KCNN2: variants seen among roughly 807,000 people sequenced by gnomAD.
KCNN2 encodes potassium calcium-activated channel subfamily N member 2.
KCNN2 carries 24 observed loss-of-function variants against 55.5 expected under a neutral mutation model. The ratio of observed to expected loss-of-function variants is 0.43; its 90% confidence interval spans 0.31 to 0.61. The LOEUF (loss-of-function observed/expected upper bound fraction) is 0.61, where lower values mean the gene tolerates loss of function less well. KCNN2 is among the 20% of genes least tolerant of loss of function. The pLI is 0.08. For missense variants in KCNN2, 754 were observed against 853.6 expected, an observed-to-expected ratio of 0.88 and a Z score of 1.45; for synonymous variants, 431 against 336.1, an observed-to-expected ratio of 1.28 and a Z score of -3.09.
At chr5:114,113,083 C>G (rs1186918668) in intron 1 of KCNN2, among the ~76,000 whole-genome samples, 1 of 152,016 alleles carries the variant, frequency 6.6e-6, no homozygotes, top group East Asian at 1.9e-4. Flanking sequence ...GGCCAGGCTC[C>G]TTAAAGGGTT....
chr5:114,341,695 T>C (rs190875276), intron 2 of KCNN2, among the ~76,000 whole-genome samples: 72 of 152,274 alleles, frequency 4.7e-4, no homozygotes, highest in Middle Eastern at 3.4e-3. Flanking sequence ...AAGACATTTC[T>C]ATAAAAATAT....
intron 1 of KCNN2, among the ~76,000 whole-genome samples, chr5:114,158,468 A>T (rs535661833): frequency 6.6e-5 from 10 of 151,978 alleles, no homozygotes; most frequent in Non-Finnish European, 1.0e-4. Flanking sequence ...TTGGCTTAGG[A>T]TTGACTTGGC....
At chr5:114,132,919 T>G (rs1030339868) in intron 1 of KCNN2, among the ~76,000 whole-genome samples, 3 of 152,206 alleles carry the variant, frequency 2.0e-5, no homozygotes, top group Non-Finnish European at 4.4e-5. Context: ...TTGTAAAAGA[T>G]GCCTCCAGAC....
At chr5:114,241,002 T>C (rs1320664871) in intron 2 of KCNN2, among the ~76,000 whole-genome samples, 4 of 152,156 alleles carry the variant, frequency 2.6e-5, no homozygotes, top group Admixed American at 2.6e-4. Context: ...GCTTTTGTGC[T>C]AACTAGCAAT....
At chr5:114,440,326 A>G (rs981059440) in intron 3 of KCNN2, among the ~76,000 whole-genome samples, 10 of 152,194 alleles carry the variant, frequency 6.6e-5, no homozygotes, top group African/African-American at 2.4e-4. Context: ...ATGCCTTCCT[A>G]AATTTAATTT....
chr5:114,123,750 T>C (rs935074399), intron 1 of KCNN2, among the ~76,000 whole-genome samples: 9 of 152,214 alleles, frequency 5.9e-5, no homozygotes, highest in Non-Finnish European at 1.2e-4. Context: ...TTTTTGACTT[T>C]GATATTCTAG....
chr5:114,433,423 G>A (rs1183738305), intron 3 of KCNN2: 1 of 152,214 alleles, frequency 6.6e-6, no homozygotes, highest in African/African-American at 2.4e-5. Flanking sequence ...TCAGTGCCCT[G>A]TCAAAACAGA....
chr5:114,063,241 A>T (rs910667071), intron 1 of KCNN2, among the ~76,000 whole-genome samples: 5 of 152,232 alleles, frequency 3.3e-5, no homozygotes, highest in Non-Finnish European at 5.9e-5. Context: ...GATGATGATT[A>T]TCATGTATGT....
At chr5:114,315,139 A>C (rs1026723831) in intron 2 of KCNN2, among the ~76,000 whole-genome samples, 1 of 152,136 alleles carries the variant, frequency 6.6e-6, no homozygotes. Context: ...TCCTTGTCCC[A>C]GGAAGACTTG....
chr5:114,086,680 C>A (rs1271976943), intron 1 of KCNN2, among the ~76,000 whole-genome samples: 1 of 151,978 alleles, frequency 6.6e-6, no homozygotes, highest in Admixed American at 6.6e-5. Context: ...TCTTATCCAC[C>A]ACTGATGGGC....
At chr5:114,468,448 A>T (rs922275473) in intron 4 of KCNN2, among the ~76,000 whole-genome samples, 1 of 151,742 alleles carries the variant, frequency 6.6e-6, no homozygotes, top group Non-Finnish European at 1.5e-5. Context: ...GGGCAAGCTG[A>T]TTTGTGAAAG....
chr5:114,337,988 G>A (rs1016287219), intron 2 of KCNN2, among the ~76,000 whole-genome samples: 1 of 152,112 alleles, frequency 6.6e-6, no homozygotes, highest in African/African-American at 2.4e-5. Context: ...TGCTAGAGAG[G>A]CTGGTTATAT....
chr5:114,142,580 C>G (rs1383128988), intron 1 of KCNN2, among the ~76,000 whole-genome samples: 4 of 152,152 alleles, frequency 2.6e-5, no homozygotes, highest in Non-Finnish European at 5.9e-5. Context: ...CAATAACAGA[C>G]AAACAGAGAG....
At chr5:114,295,580 A>G (rs1409667179) in intron 2 of KCNN2, among the ~76,000 whole-genome samples, 1 of 152,184 alleles carries the variant, frequency 6.6e-6, no homozygotes, top group African/African-American at 2.4e-5. Flanking sequence ...GGGAGTGACC[A>G]GATTTTCCAG....
At chr5:114,408,419 G>C (rs938295675) in intron 3 of KCNN2, among the ~76,000 whole-genome samples, 8 of 151,880 alleles carry the variant, frequency 5.3e-5, no homozygotes, top group African/African-American at 1.9e-4. Context: ...CGTTTTTTTA[G>C]AACTTCTCTG....
At chr5:114,238,866 G>T (rs1464933872) in intron 2 of KCNN2, among the ~76,000 whole-genome samples, 3 of 152,032 alleles carry the variant, frequency 2.0e-5, no homozygotes, top group African/African-American at 4.8e-5. Context: ...TGAGATGAAG[G>T]AGAACAGGGT....
chr5:114,473,158 T>A lies in KCNN2; in HGVS notation c.1884T>A (p.Thr628=). ...ATTTCATGATGGATACTCAGCTGAC[T>A]AAAAGAGTAAGTTACTATCCATATA... is the stretch of plus-strand genomic sequence containing the variant. ...VHNFMMDTQL[T]KRVKNAAANV... The change falls in exon 5 of 8, where the codon ACT becomes ACA. Residue 628 remains threonine (T), a synonymous_variant. Transcript: ENST00000673685. 1 of 1,571,610 alleles carries A rather than the reference T, an allele frequency of 6.4e-7. No individual in the cohort carries two copies. Among genetic ancestry groups the A allele is most frequent in the Non-Finnish European group, 8.7e-7 (1 of 1,143,544 alleles).
chr5:114,479,718 A>T (rs1762139039), intron 5 of KCNN2, among the ~76,000 whole-genome samples: 1 of 152,226 alleles, frequency 6.6e-6, no homozygotes, highest in South Asian at 2.1e-4. Flanking sequence ...CACAAGATCA[A>T]GAATTTCACT....
chr5:114,343,802 C>A (rs978665986), intron 2 of KCNN2, among the ~76,000 whole-genome samples: 2 of 152,052 alleles, frequency 1.3e-5, no homozygotes, highest in Non-Finnish European at 2.9e-5. Context: ...AGTATTTATA[C>A]CCATCTGCTT....
Sources: gnomAD v4.1 joint callset for allele counts (sites outside exome capture counted in the v4.1 genomes callset) on GRCh38, gnomAD v4.1.1 for gene constraint, MANE v1.5 for transcripts, NCBI Gene and HGNC (gene_info 2026-07-23, HGNC 2026-07-21) for gene names.